PCLO: variants seen among roughly 807,000 people sequenced by gnomAD.
PCLO encodes the protein protein piccolo.
PCLO carries 82 observed loss-of-function variants against 427.5 expected under a neutral mutation model. The observed-to-expected ratio is 0.19, with a 90% CI of 0.16 to 0.23. The LOEUF (loss-of-function observed/expected upper bound fraction) is 0.23, where lower values mean the gene tolerates loss of function less well. Among genes scored for constraint, PCLO ranks in the 10% least tolerant of loss-of-function variants. The probability of loss-of-function intolerance (pLI) is 1.00; values close to 1 mark genes in which losing one functional copy is unlikely to be tolerated. For synonymous variants in PCLO, 2,357 were observed against 2,155.4 expected (o/e 1.09, Z -2.59); for missense variants, 6,239 against 6,115.9 (o/e 1.02, Z -0.67).
intron 3 of PCLO, among the ~76,000 whole-genome samples, chr7:83,035,231 C>T (rs1345760517): frequency 2.0e-5 from 3 of 152,126 alleles, no homozygotes; most frequent in Admixed American, 6.5e-5. Context: ...GTTTATGAAA[C>T]ACCCATCAAG....
At chr7:83,093,804 T>TA (rs55783549) in intron 3 of PCLO, among the ~76,000 whole-genome samples, 5,467 of 126,634 alleles carry the variant, frequency 0.043, 228 homozygotes, top group African/African-American at 0.11. Context: ...CCACAAATAT[T>TA]AAAAAAAAAA....
intron 10 of PCLO, among the ~76,000 whole-genome samples, chr7:82,848,117 T>C (rs1442281430): frequency 1.3e-5 from 2 of 152,032 alleles, no homozygotes; most frequent in Non-Finnish European, 2.9e-5. Flanking sequence ...GTCCATTTTA[T>C]ATGACCTGTC....
intron 3 of PCLO, among the ~76,000 whole-genome samples, chr7:82,997,181 G>A (rs1787641806): frequency 6.6e-6 from 1 of 151,854 alleles, no homozygotes; most frequent in Admixed American, 6.6e-5. Context: ...GACTAGATCA[G>A]GGAATAAGAG....
intron 10 of PCLO, among the ~76,000 whole-genome samples, chr7:82,858,638 T>C (rs1792870045): frequency 6.6e-6 from 1 of 152,114 alleles, no homozygotes; most frequent in Non-Finnish European, 1.5e-5. Context: ...AAAATCAGCC[T>C]ATACTATACT....
rs1011552749 is a variant in PCLO at position 82,758,380 on chromosome 7, T to A, written c.*195A>T. The A allele has an allele frequency of 4.3e-6, 2 of 460,188 alleles. No homozygotes were observed. Among genetic ancestry groups the A allele is most frequent in the Non-Finnish European group, 3.8e-6 (1 of 260,032 alleles). 28.5% of individuals were successfully genotyped at this position (460,188 alleles called of 1,614,324 possible). ...AGAACTCCATTCTTCTTGTTTTCAGTATGTGAACTTTTTCAGTTGAATATC... is the reference window on the plus strand; with the variant it reads ...AGAACTCCATTCTTCTTGTTTTCAGAATGTGAACTTTTTCAGTTGAATATC... On this transcript the variant is annotated 3_prime_UTR_variant, in exon 25 of 25. Coordinates refer to ENST00000333891, the MANE Select transcript of PCLO (RefSeq NM_033026.6).
intron 3 of PCLO, among the ~76,000 whole-genome samples, chr7:82,989,115 C>T (rs1047748114): frequency 2.0e-5 from 3 of 151,966 alleles, no homozygotes; most frequent in Admixed American, 1.3e-4. Context: ...TGAGCCACTG[C>T]GCTTGGCCAA....
At chr7:82,861,051 G>A (rs1792942648) in intron 10 of PCLO, among the ~76,000 whole-genome samples, 1 of 151,898 alleles carries the variant, frequency 6.6e-6, no homozygotes, top group Non-Finnish European at 1.5e-5. Context: ...AAAGAAAGGA[G>A]GAAGAGAAGA....
chr7:82,813,362 T>A (rs1211866101), intron 20 of PCLO, among the ~76,000 whole-genome samples: 1 of 151,774 alleles, frequency 6.6e-6, no homozygotes, highest in Non-Finnish European at 1.5e-5. Context: ...ACTTTCTGTC[T>A]ATATATAGAT....
rs183906066 is a variant in PCLO, at chr7:82,919,596, T to C, written c.11113-2723A>G. Among the ~76,000 whole-genome samples, 8 of 152,056 alleles carry C rather than the reference T, an allele frequency of 5.3e-5. No individual in the cohort carries two copies. The East Asian group carries it at 9.7e-4, about 18-fold the overall frequency. ...ATCTCTGTTCCAAACCTAAAGAAGA[T>C]TGGATGCCCACTGAGAAACCATTAG... is the stretch of plus-strand genomic sequence containing the variant. On this transcript the variant is annotated intron_variant, in intron 6 of 24. Coordinates refer to ENST00000333891, the MANE Select transcript of PCLO (RefSeq NM_033026.6).
chr7:82,783,381 G>A (rs1193758349), intron 22 of PCLO, among the ~76,000 whole-genome samples: 5 of 152,076 alleles, frequency 3.3e-5, no homozygotes, highest in East Asian at 3.9e-4. Context: ...TTGGGAGGCC[G>A]AGGCGAGCGG....
chr7:82,757,674 T>C lies in PCLO; in HGVS notation c.*901A>G, dbSNP rs1419776866. On this transcript the variant is annotated 3_prime_UTR_variant, in exon 25 of 25. Transcript: ENST00000333891. ...TTGCAGTTTCACAAAGAGTAAGTTA[T>C]CATGCTTCCTAGAACATATCAGTTT... The C allele has an allele frequency of 6.6e-6, 1 of 151,968 alleles. No individual in the cohort carries two copies. Among genetic ancestry groups the C allele is most frequent in the Non-Finnish European group, 1.5e-5 (1 of 67,912 alleles). 9.4% of individuals were successfully genotyped at this position (151,968 alleles called of 1,614,324 possible).
intron 3 of PCLO, among the ~76,000 whole-genome samples, chr7:83,074,561 CT>C: frequency 6.6e-6 from 1 of 152,174 alleles, no homozygotes; most frequent in South Asian, 2.1e-4. Flanking sequence ...CCATTAAAAT[CT>C]TTTAAAGGAA....
chr7:82,978,189 T>C (rs1796065659), intron 3 of PCLO, among the ~76,000 whole-genome samples: 2 of 145,984 alleles, frequency 1.4e-5, no homozygotes, highest in South Asian at 2.5e-4. Context: ...AAAAACTCTG[T>C]ATGAAACTCA....
In PCLO at chr7:82,915,644, T is replaced by G; in HGVS notation, c.12342A>C (p.Pro4114=). ...GCTTTAACTCGTAAGGATCCTCCAT[T>G]GGGTCTTCCTCCGCCTTCACATAAC... ...LHSYVKAEED[P]MEDPYELKLL... is the part of the protein sequence containing the mutation. Residue 4114 remains proline, a synonymous_variant, in exon 7 of 25, where the codon CCA becomes CCC. Coordinates refer to ENST00000333891, the MANE Select transcript of PCLO (RefSeq NM_033026.6). 1 of 1,613,486 alleles carries G rather than the reference T, an allele frequency of 6.2e-7. No individual in the cohort carries two copies. The highest frequency in any genetic ancestry group is 8.5e-7 in the Non-Finnish European group (1 of 1,179,718).
intron 3 of PCLO, among the ~76,000 whole-genome samples, chr7:83,001,116 T>C (rs542867076): frequency 6.6e-6 from 1 of 152,064 alleles, no homozygotes; most frequent in African/African-American, 2.4e-5. Context: ...GTTTGTTCTA[T>C]AACATCAAAT....
intron 22 of PCLO, among the ~76,000 whole-genome samples, chr7:82,766,840 C>T (rs1164725538): frequency 6.6e-6 from 1 of 152,094 alleles, no homozygotes; most frequent in African/African-American, 2.4e-5. Flanking sequence ...CTTAACTTCA[C>T]AGGCTTCACA....
chr7:82,904,527 CTTTGT>C (rs939225524), intron 8 of PCLO, among the ~76,000 whole-genome samples: 3 of 151,936 alleles, frequency 2.0e-5, no homozygotes, highest in Non-Finnish European at 1.5e-5. Flanking sequence ...GTGGATGTTA[CTTTGT>C]TTTATTTCAA....
At chr7:83,100,190 C>A (rs1790702664) in intron 3 of PCLO, among the ~76,000 whole-genome samples, 1 of 152,066 alleles carries the variant, frequency 6.6e-6, no homozygotes, top group Non-Finnish European at 1.5e-5. Context: ...GAAGAAAAAG[C>A]AACACTTATA....
intron 3 of PCLO, among the ~76,000 whole-genome samples, chr7:83,129,670 C>A (rs1013406917): frequency 6.6e-6 from 1 of 152,000 alleles, no homozygotes; most frequent in Non-Finnish European, 1.5e-5. Flanking sequence ...TTAAAAATGA[C>A]AACAGCCTAA....
Sources: gnomAD v4.1 joint callset for allele counts (sites outside exome capture counted in the v4.1 genomes callset) on GRCh38, gnomAD v4.1.1 for gene constraint, MANE v1.5 for transcripts, NCBI Gene and HGNC (gene_info 2026-07-23, HGNC 2026-07-21) for gene names.